The following SYT16 variants were observed in gnomAD, a reference collection of about 807,000 sequenced individuals.
SYT16 encodes synaptotagmin-16.
Under a neutral mutation model 61.4 loss-of-function variants are expected in SYT16, and 42 were observed. The ratio of observed to expected loss-of-function variants is 0.68; its 90% CI spans 0.53 to 0.89. The LOEUF is 0.89. Among genes scored for constraint, SYT16 ranks in the 40% least tolerant of loss-of-function variants. SYT16 has a pLI of 0.00. For synonymous variants in SYT16, 314 were observed against 302.3 expected (o/e 1.04, Z -0.40); for missense variants, 804 against 807.3 (o/e 1.00, Z 0.05).
chr14:61,906,944 T>G (rs1037115610), intron 1 of SYT16, among the ~76,000 whole-genome samples: 2 of 152,192 alleles, frequency 1.3e-5, no homozygotes, highest in Admixed American at 6.5e-5. Context: ...ATTCTAAAAA[T>G]TAGAAATCAT....
chr14:62,079,342 T>C, intron 5 of SYT16: 1 of 1,196,142 alleles, frequency 8.4e-7, no homozygotes, highest in Middle Eastern at 2.3e-4. Flanking sequence ...TCTTGCAGGC[T>C]AATTTGAATC....
At chr14:62,028,824 G>T (rs1421461915) in intron 3 of SYT16, among the ~76,000 whole-genome samples, 5 of 152,012 alleles carry the variant, frequency 3.3e-5, no homozygotes, top group Non-Finnish European at 7.4e-5. Context: ...AATTGTAAAA[G>T]AAAATTTACA....
chr14:62,067,352 GT>G lies in SYT16; in HGVS notation c.524-2249del, dbSNP rs199963766. On this transcript the variant is annotated intron_variant, in intron 3 of 7. Transcript: ENST00000683842. Reference sequence around the variant, plus strand: ...TGAAGGCAACTACTTAAGGGAGGGTGTTCAGGGAGGACTGTAGGATGAAGTG... The same window carrying G: ...TGAAGGCAACTACTTAAGGGAGGGTGTCAGGGAGGACTGTAGGATGAAGTG... Among the ~76,000 whole-genome samples the G allele has an allele frequency of 3.0e-3, 460 of 152,286 alleles. 3 individuals are homozygous for G. The highest frequency in any genetic ancestry group is 9.4e-3 in the African/African-American group (391 of 41,562).
chr14:61,868,703 G>T (rs566674915), intron 1 of SYT16, among the ~76,000 whole-genome samples: 6 of 152,042 alleles, frequency 3.9e-5, no homozygotes, highest in Non-Finnish European at 5.9e-5. Context: ...GTTAAGACTT[G>T]TTTTGTTGCC....
At chr14:61,817,087 AG>A (rs2045465214) in intron 1 of SYT16, among the ~76,000 whole-genome samples, 1 of 151,674 alleles carries the variant, frequency 6.6e-6, no homozygotes, top group African/African-American at 2.4e-5. Context: ...GAAAACCTGG[AG>A]TATACGAACT....
chr14:61,998,551 A>G (rs994775190), intron 3 of SYT16, among the ~76,000 whole-genome samples: 1 of 152,022 alleles, frequency 6.6e-6, no homozygotes, highest in African/African-American at 2.4e-5. Context: ...TTGCTGAATC[A>G]TATTCCATTG....
At chr14:61,984,954 G>A (rs980826456) in intron 2 of SYT16, among the ~76,000 whole-genome samples, 2 of 151,972 alleles carry the variant, frequency 1.3e-5, no homozygotes, top group Admixed American at 6.6e-5. Context: ...ACTTTGGCTC[G>A]GTAGACCTGA....
intron 3 of SYT16, among the ~76,000 whole-genome samples, chr14:62,029,224 G>A (rs2054216842): frequency 6.6e-6 from 1 of 152,142 alleles, no homozygotes; most frequent in Non-Finnish European, 1.5e-5. Context: ...TGCCTCCCCG[G>A]TTCAAGTGAT....
At chr14:61,812,408 G>A (rs1426546370), upstream of SYT16, 1 of 152,332 alleles carries the variant, frequency 6.6e-6, no homozygotes, top group Non-Finnish European at 1.5e-5. Flanking sequence ...TGTAGGAAAG[G>A]TGGCGTGGAG....
At position 62,062,719 on chromosome 14, in the gene SYT16, C is replaced by A. The variant is rs775397770; in HGVS notation, c.524-6884C>A. Among the ~76,000 whole-genome samples, 50 of 152,094 alleles carry A rather than the reference C, an allele frequency of 3.3e-4. 1 individual carries two copies. The highest frequency in any genetic ancestry group is 3.4e-3 in the Middle Eastern group (1 of 294). On this transcript the variant is annotated intron_variant, in intron 3 of 7. Coordinates refer to ENST00000683842, the MANE Select transcript of SYT16 (RefSeq NM_001367656.1). ...ATCCTTATTTCTATCCTTATCCAAC[C>A]AACACAGGCAGCCATTTGCTGTGGA...
intron 1 of SYT16, among the ~76,000 whole-genome samples, chr14:61,822,567 C>T (rs1215793217): frequency 1.3e-5 from 2 of 152,186 alleles, no homozygotes; most frequent in Non-Finnish European, 2.9e-5. Flanking sequence ...AGAAATTGTT[C>T]TCTTCTTTCC....
chr14:61,924,618 A>G (rs1416917961), intron 1 of SYT16, among the ~76,000 whole-genome samples: 3 of 152,158 alleles, frequency 2.0e-5, no homozygotes, highest in Non-Finnish European at 2.9e-5. Context: ...TACATATTGC[A>G]CCAACTTGTG....
At chr14:61,887,758 A>G (rs977729525) in intron 1 of SYT16, among the ~76,000 whole-genome samples, 16 of 152,066 alleles carry the variant, frequency 1.1e-4, no homozygotes, top group African/African-American at 3.6e-4. Flanking sequence ...AATTGAAGAG[A>G]GTTCGGGCCT....
rs1316591367 is a variant in SYT16 at position 62,104,138 on chromosome 14, T to G, written c.*3431T>G. ...AAGTGCTTCTCTGATAGCCACCAAT[T>G]TGATTTAATTGATGATTCGGTGTGG... On this transcript the variant is annotated 3_prime_UTR_variant, in exon 8 of 8. Transcript: ENST00000683842. The G allele has an allele frequency of 1.3e-5, 2 of 152,228 alleles. No individual in the cohort carries two copies. The highest frequency in any genetic ancestry group is 3.8e-4 in the East Asian group (2 of 5,200). The allele number at this position is 152,228 out of a possible 1,614,324, so 9.4% of individuals were successfully genotyped here. A position where few individuals can be genotyped will look rare whatever the true frequency, so the allele number is the denominator to read the frequency against.
chr14:62,049,324 G>C (rs1456303320), intron 3 of SYT16, among the ~76,000 whole-genome samples: 1 of 151,974 alleles, frequency 6.6e-6, no homozygotes, highest in Non-Finnish European at 1.5e-5. Flanking sequence ...TTTTCCATTT[G>C]CTTGGTAGAT....
chr14:61,847,244 T>G (rs770734936), intron 1 of SYT16, among the ~76,000 whole-genome samples: 1 of 152,234 alleles, frequency 6.6e-6, no homozygotes, highest in Non-Finnish European at 1.5e-5. Context: ...CTGGTGTTAT[T>G]GAAATCTTTC....
chr14:61,916,133 T>C (rs1277714355), intron 1 of SYT16, among the ~76,000 whole-genome samples: 4 of 152,194 alleles, frequency 2.6e-5, no homozygotes, highest in Non-Finnish European at 5.9e-5. Flanking sequence ...TTGCATTGTA[T>C]TTGAAAACCA....
chr14:61,921,618 T>C (rs980718314), intron 1 of SYT16, among the ~76,000 whole-genome samples: 3 of 152,216 alleles, frequency 2.0e-5, no homozygotes, highest in African/African-American at 7.2e-5. Context: ...GAGCTTCTGC[T>C]CTGAGCCCTG....
At chr14:61,913,852 G>T (rs190115496) in intron 1 of SYT16, among the ~76,000 whole-genome samples, 23 of 152,224 alleles carry the variant, frequency 1.5e-4, no homozygotes, top group Admixed American at 1.2e-3. Flanking sequence ...CCCAAACTTG[G>T]ATTTTTCCAA....
Sources: gnomAD v4.1 joint callset for allele counts (sites outside exome capture counted in the v4.1 genomes callset) on GRCh38, gnomAD v4.1.1 for gene constraint, MANE v1.5 for transcripts, NCBI Gene and HGNC (gene_info 2026-07-23, HGNC 2026-07-21) for gene names.